The following GRID1 variants were observed in gnomAD, a reference collection of about 807,000 sequenced individuals.
The protein encoded by GRID1 is glutamate ionotropic receptor delta type subunit 1, also known as glutamate receptor ionotropic, delta-1.
GRID1 carries 28 observed loss-of-function variants against 98.0 expected under a neutral mutation model. The ratio of observed to expected loss-of-function variants is 0.29; its 90% CI spans 0.21 to 0.39. GRID1 has a LOEUF of 0.39. Among genes scored for constraint, GRID1 ranks in the 10% least tolerant of loss-of-function variants. The probability of loss-of-function intolerance (pLI) is 1.00; values close to 1 mark genes in which losing one functional copy is unlikely to be tolerated. For missense variants in GRID1, 1,111 were observed against 1,340.5 expected (o/e 0.83, Z 2.67); for synonymous variants, 553 against 538.5 (o/e 1.03, Z -0.37).
At chr10:86,079,910 G>C (rs1191181284) in intron 4 of GRID1, among the ~76,000 whole-genome samples, 2 of 152,190 alleles carry the variant, frequency 1.3e-5, no homozygotes, top group Non-Finnish European at 2.9e-5. Context: ...GGGTGCAAGG[G>C]GCAGGAAGGT....
At chr10:86,274,411 T>A (rs1589434207) in intron 2 of GRID1, among the ~76,000 whole-genome samples, 1 of 152,220 alleles carries the variant, frequency 6.6e-6, no homozygotes, top group Non-Finnish European at 1.5e-5. Flanking sequence ...TTTGGTTCCA[T>A]ATGAACTTTA....
At position 85,639,416 on chromosome 10, in the gene GRID1, TGAG is replaced by T. The variant is rs560507279; in HGVS notation, c.2193+7783_2193+7785del. The stretch of plus-strand genomic sequence containing the variant: ...ATCTGCAAGCGGTTGTCTCTGCAGA[TGAG>T]GAGAAGTGTAAAAAGTGACAAAAGA... On this transcript the variant is annotated intron_variant, in intron 13 of 15. Coordinates refer to ENST00000327946, the MANE Select transcript of GRID1 (RefSeq NM_017551.3). Among the ~76,000 whole-genome samples the T allele has an allele frequency of 1.4e-3, 216 of 152,338 alleles. 2 individuals are homozygous for T. In the Middle Eastern group the frequency reaches 0.017, roughly 12 times the overall value.
chr10:86,242,014 G>A (rs755131709), intron 2 of GRID1, among the ~76,000 whole-genome samples: 7 of 152,232 alleles, frequency 4.6e-5, no homozygotes, highest in Non-Finnish European at 8.8e-5. Context: ...CAACAGAGAC[G>A]TGAAGCAGAT....
chr10:85,775,468 A>G (rs867418309), intron 8 of GRID1, among the ~76,000 whole-genome samples: 3 of 152,058 alleles, frequency 2.0e-5, no homozygotes, highest in African/African-American at 7.3e-5. Context: ...CTAAAATCTT[A>G]AAGTATAATA....
At chr10:85,994,943 GA>G (rs1178212547) in intron 4 of GRID1, among the ~76,000 whole-genome samples, 1 of 152,206 alleles carries the variant, frequency 6.6e-6, no homozygotes, top group Non-Finnish European at 1.5e-5. Flanking sequence ...CCACCTGGCT[GA>G]AACAACTGCA....
At chr10:85,805,544 G>C (rs1015722240) in intron 8 of GRID1, among the ~76,000 whole-genome samples, 11 of 151,766 alleles carry the variant, frequency 7.2e-5, no homozygotes, top group African/African-American at 2.7e-4. Context: ...ACAAAATAAT[G>C]TTTACCAAGG....
At chr10:85,632,953 C>T (rs554718449) in intron 13 of GRID1, among the ~76,000 whole-genome samples, 1 of 152,288 alleles carries the variant, frequency 6.6e-6, no homozygotes, top group East Asian at 1.9e-4. Context: ...TCAGCTCCCA[C>T]TTATGAGTGA....
intron 4 of GRID1, among the ~76,000 whole-genome samples, chr10:86,011,449 C>T (rs142842456): frequency 0.014 from 2,151 of 152,028 alleles, 20 homozygotes; most frequent in Middle Eastern, 0.034. Context: ...CAGTAATGCT[C>T]GACTCCCAAA....
intron 8 of GRID1, among the ~76,000 whole-genome samples, chr10:85,784,635 C>T (rs747966824): frequency 2.0e-5 from 3 of 152,172 alleles, no homozygotes; most frequent in East Asian, 3.8e-4. Context: ...TGCAGACAAC[C>T]GTGAGCATCA....
intron 4 of GRID1, among the ~76,000 whole-genome samples, chr10:86,076,965 T>C (rs1168945750): frequency 1.4e-5 from 2 of 138,610 alleles, no homozygotes; most frequent in Non-Finnish European, 3.1e-5. Flanking sequence ...AATGACCTCA[T>C]TTTAATTTGA....
intron 8 of GRID1, among the ~76,000 whole-genome samples, chr10:85,767,065 G>T (rs950181245): frequency 6.6e-6 from 1 of 151,958 alleles, no homozygotes; most frequent in East Asian, 1.9e-4. Flanking sequence ...TTCCAATAAG[G>T]TTTATAATTT....
At chr10:85,769,969 G>A (rs1299815857) in intron 8 of GRID1, among the ~76,000 whole-genome samples, 4 of 152,226 alleles carry the variant, frequency 2.6e-5, no homozygotes, top group Non-Finnish European at 4.4e-5. Context: ...TTTGAAGAGA[G>A]CAGTGGTTCT....
chr10:85,819,172 A>C (rs79777983), intron 8 of GRID1, among the ~76,000 whole-genome samples: 2,581 of 152,366 alleles, frequency 0.017, 78 homozygotes, highest in Admixed American at 0.068. Context: ...AAGAGGAACA[A>C]GGGAAACATC....
chr10:86,352,479 G>A (rs1403589739), intron 2 of GRID1, among the ~76,000 whole-genome samples: 1 of 152,096 alleles, frequency 6.6e-6, no homozygotes, highest in African/African-American at 2.4e-5. Context: ...AGCATGGTTG[G>A]TTCCTGATGA....
chr10:85,859,298 T>C (rs1843141970), intron 6 of GRID1, among the ~76,000 whole-genome samples: 1 of 151,712 alleles, frequency 6.6e-6, no homozygotes, highest in Non-Finnish European at 1.5e-5. Flanking sequence ...GATAGATGAG[T>C]GTGTAGATGT....
chr10:86,119,891 C>G (rs796353540), intron 4 of GRID1, among the ~76,000 whole-genome samples: 1 of 152,058 alleles, frequency 6.6e-6, no homozygotes, highest in African/African-American at 2.4e-5. Flanking sequence ...CCTGGGTTCA[C>G]GCCATTCTCC....
intron 8 of GRID1, among the ~76,000 whole-genome samples, chr10:85,843,048 G>A (rs1047814912): frequency 6.6e-6 from 1 of 151,992 alleles, no homozygotes; most frequent in Non-Finnish European, 1.5e-5. Flanking sequence ...ATCCAACAAT[G>A]TGTAAAACGT....
chr10:85,857,488 G>A (rs1338270153), intron 6 of GRID1, among the ~76,000 whole-genome samples: 2 of 152,140 alleles, frequency 1.3e-5, no homozygotes, highest in Admixed American at 6.5e-5. Context: ...CTCTGTTCTC[G>A]GATGTCACCT....
intron 12 of GRID1, among the ~76,000 whole-genome samples, chr10:85,720,570 C>T (rs975663483): frequency 1.3e-5 from 2 of 148,840 alleles, no homozygotes; most frequent in Admixed American, 6.7e-5. Context: ...CCATGGAGGA[C>T]GGATAGCCTT....
Sources: gnomAD v4.1 joint callset for allele counts (sites outside exome capture counted in the v4.1 genomes callset) on GRCh38, gnomAD v4.1.1 for gene constraint, MANE v1.5 for transcripts, NCBI Gene and HGNC (gene_info 2026-07-23, HGNC 2026-07-21) for gene names.